The following ZMAT4 variants were observed in gnomAD, a reference collection of about 807,000 sequenced individuals.
ZMAT4 encodes zinc finger matrin-type protein 4.
In ZMAT4, 17 loss-of-function variants were observed where a neutral mutation model predicts 28.7. The observed-to-expected ratio is 0.59, with a 90% CI of 0.41 to 0.89. ZMAT4 has a LOEUF of 0.89. Ranked by LOEUF, ZMAT4 falls within the 40% of genes least tolerant of loss-of-function variation. ZMAT4 has a pLI of 0.00. For synonymous variants in ZMAT4, 117 were observed against 109.2 expected (o/e 1.07, Z -0.44); for missense variants, 240 against 283.8 (o/e 0.85, Z 1.11).
chr8:40,896,155 G>C (rs1223829808), intron 1 of ZMAT4, among the ~76,000 whole-genome samples: 1 of 152,222 alleles, frequency 6.6e-6, no homozygotes, highest in Admixed American at 6.5e-5. Flanking sequence ...GCTGCCTACA[G>C]GAGGTGGAGG....
intron 4 of ZMAT4, among the ~76,000 whole-genome samples, chr8:40,696,064 G>T (rs1266318952): frequency 1.3e-5 from 2 of 152,038 alleles, no homozygotes; most frequent in Admixed American, 1.3e-4. Flanking sequence ...AGAATCAGGA[G>T]TTTCAATTGA....
At chr8:40,737,707 G>T (rs2150531836) in intron 3 of ZMAT4, among the ~76,000 whole-genome samples, 1 of 152,206 alleles carries the variant, frequency 6.6e-6, no homozygotes, top group Non-Finnish European at 1.5e-5. Context: ...GGAGTTGAGA[G>T]GAAGTCTGAT....
At chr8:40,738,988 C>G (rs1347616085) in intron 3 of ZMAT4, among the ~76,000 whole-genome samples, 1 of 152,080 alleles carries the variant, frequency 6.6e-6, no homozygotes, top group Non-Finnish European at 1.5e-5. Context: ...TTAGATTTTC[C>G]CTCTTTACTA....
chr8:40,735,412 T>C (rs1219823693), intron 3 of ZMAT4, among the ~76,000 whole-genome samples: 1 of 152,202 alleles, frequency 6.6e-6, no homozygotes, highest in Non-Finnish European at 1.5e-5. Flanking sequence ...TCCATCCTTA[T>C]AAAAAGAGCA....
chr8:40,696,705 C>T (rs989008702), intron 4 of ZMAT4, among the ~76,000 whole-genome samples: 6 of 151,994 alleles, frequency 3.9e-5, no homozygotes, highest in African/African-American at 7.2e-5. Context: ...GGATCCCCTG[C>T]AAAGATGATG....
At chr8:40,852,951 G>T (rs572592629) in intron 1 of ZMAT4, among the ~76,000 whole-genome samples, 1 of 151,670 alleles carries the variant, frequency 6.6e-6, no homozygotes, top group Admixed American at 6.6e-5. Context: ...ATTTTATCAC[G>T]GGCAAAAAAA....
intron 1 of ZMAT4, among the ~76,000 whole-genome samples, chr8:40,850,710 G>A (rs77732448): frequency 0.035 from 5,291 of 152,250 alleles, 273 homozygotes; most frequent in African/African-American, 0.11. Flanking sequence ...TACAGATCAC[G>A]TGGGGTGGGA....
intron 3 of ZMAT4, among the ~76,000 whole-genome samples, chr8:40,737,742 G>A (rs529594769): frequency 5.0e-4 from 76 of 152,020 alleles, no homozygotes; most frequent in Admixed American, 1.9e-3. Flanking sequence ...GCGGAAAATC[G>A]CATAAAATAT....
chr8:40,582,867 T>A (rs1334285369), intron 5 of ZMAT4, among the ~76,000 whole-genome samples: 2 of 152,186 alleles, frequency 1.3e-5, no homozygotes, highest in Non-Finnish European at 2.9e-5. Flanking sequence ...AAACACTTTC[T>A]GTTTGAGTGT....
intron 2 of ZMAT4, among the ~76,000 whole-genome samples, chr8:40,801,351 A>AAAAATATATATATAT (rs370796453): frequency 3.1e-5 from 3 of 97,258 alleles, no homozygotes; most frequent in Admixed American, 9.8e-5. Context: ...TAAAAAAAAA[A>AAAAATATATATATAT]ATATATATAT....
chr8:40,531,061 C>T lies in ZMAT4; in HGVS notation c.*1162G>A, dbSNP rs1262836511. 1.3e-5 allele frequency: 2 copies of T among 152,644 alleles called. No homozygotes were observed. The highest frequency in any genetic ancestry group is 2.9e-5 in the Non-Finnish European group (2 of 68,094). 9.5% of individuals were successfully genotyped at this position (152,644 alleles called of 1,614,324 possible). A position where few individuals can be genotyped will look rare whatever the true frequency, so the allele number is the denominator to read the frequency against. The stretch of plus-strand genomic sequence containing the variant: ...AGCCCCAGCCAGATCCCAGCTGGTC[C>T]ATGCAGGGCATCGTCAGTAGAAGCT... On this transcript the variant is annotated 3_prime_UTR_variant, in exon 7 of 7. Coordinates refer to ENST00000297737, the MANE Select transcript of ZMAT4 (RefSeq NM_024645.3).
At chr8:40,675,042 TC>T (rs1808852952) in intron 4 of ZMAT4, 111 bp from the exon 5 acceptor site, 2 of 717,808 alleles carry the variant, frequency 2.8e-6, no homozygotes, top group African/African-American at 1.8e-5. Flanking sequence ...AGCTTAAACA[TC>T]CCCAAGAGTT....
At chr8:40,784,247 G>C (rs1813968580) in intron 2 of ZMAT4, among the ~76,000 whole-genome samples, 1 of 152,110 alleles carries the variant, frequency 6.6e-6, no homozygotes, top group Admixed American at 6.5e-5. Context: ...GGATTAATTA[G>C]TAATGCAAAC....
chr8:40,868,504 A>G (rs778825530), intron 1 of ZMAT4, among the ~76,000 whole-genome samples: 3 of 152,174 alleles, frequency 2.0e-5, no homozygotes, highest in Admixed American at 6.5e-5. Context: ...TCACTACCCT[A>G]GGACCAGGGT....
intron 1 of ZMAT4, among the ~76,000 whole-genome samples, chr8:40,866,268 A>C (rs1174021737): frequency 6.6e-6 from 1 of 152,206 alleles, no homozygotes; most frequent in East Asian, 1.9e-4. Flanking sequence ...AAGAGGACTT[A>C]GGGCTATGGG....
intron 1 of ZMAT4, among the ~76,000 whole-genome samples, chr8:40,830,436 A>AT (rs1326603955): frequency 2.6e-5 from 4 of 151,912 alleles, no homozygotes; most frequent in African/African-American, 9.7e-5. Flanking sequence ...GCAATATTTG[A>AT]TTTTCTGCTT....
At chr8:40,840,677 T>C (rs1201843570) in intron 1 of ZMAT4, among the ~76,000 whole-genome samples, 9 of 152,314 alleles carry the variant, frequency 5.9e-5, no homozygotes, top group Middle Eastern at 3.4e-3. Flanking sequence ...CTGAGTAGCA[T>C]TTATGCAGTA....
rs1341460065 is a variant in ZMAT4, at chr8:40,589,971, C to CCCTCCCTCCTTT, written c.578-8711_578-8710insAAAGGAGGGAGG. ...TTCCTTCTTCCCTCCTTCCCTCCCT[C>CCCTCCCTCCTTT]CCTTCCTTCCTTCCTTCCTTCCTTC... is the stretch of plus-strand genomic sequence containing the variant. On this transcript the variant is annotated intron_variant, in intron 5 of 6. Coordinates refer to ENST00000297737, the MANE Select transcript of ZMAT4 (RefSeq NM_024645.3). 6.9e-5 allele frequency among the ~76,000 whole-genome samples: 2 copies of CCCTCCCTCCTTT among 28,798 alleles called. 1 individual carries two copies. Among genetic ancestry groups the CCCTCCCTCCTTT allele is most frequent in the Admixed American group, 8.4e-4 (2 of 2,390 alleles). The allele number at this position is 28,798 out of a possible 152,430, so 18.9% of individuals were successfully genotyped here. A position where few individuals can be genotyped will look rare whatever the true frequency, so the allele number is the denominator to read the frequency against.
chr8:40,823,753 T>G (rs1219026477), intron 2 of ZMAT4, among the ~76,000 whole-genome samples: 1 of 151,992 alleles, frequency 6.6e-6, no homozygotes, highest in Non-Finnish European at 1.5e-5. Flanking sequence ...CCACAGAAAT[T>G]TGGAAGTCCT....
Sources: gnomAD v4.1 joint callset for allele counts (sites outside exome capture counted in the v4.1 genomes callset) on GRCh38, gnomAD v4.1.1 for gene constraint, MANE v1.5 for transcripts, NCBI Gene and HGNC (gene_info 2026-07-23, HGNC 2026-07-21) for gene names.